Variants in KPNA7 observed in about 807,000 individuals in gnomAD.
KPNA7 encodes karyopherin subunit alpha 7.
In KPNA7, 54 loss-of-function variants were observed where a neutral mutation model predicts 53.7. That is an observed-to-expected ratio of 1.01 (90% CI 0.81 to 1.26). KPNA7 has a LOEUF of 1.26. Ranked by LOEUF, KPNA7 falls within the 50% of genes most tolerant of loss-of-function variation. The pLI is 0.00. For synonymous variants in KPNA7, 276 were observed against 259.3 expected, an observed-to-expected ratio of 1.06 and a Z score of -0.62; for missense variants, 640 against 644.5, an observed-to-expected ratio of 0.99 and a Z score of 0.07.
chr7:99,180,739 C>CT lies in KPNA7; in HGVS notation c.1317+1143_1317+1144insA, dbSNP rs1444596108. Among the ~76,000 whole-genome samples the CT allele has an allele frequency of 1.2e-4, 11 of 88,268 alleles. 2 individuals are homozygous for CT. The highest frequency in any genetic ancestry group is 4.2e-4 in the African/African-American group (10 of 23,726). 57.9% of individuals were successfully genotyped at this position (88,268 alleles called of 152,430 possible). ...TCTCTCCGTCTGTGTCTCTCTCTCT[C>CT]CCCGTGTCTCTCTCTCTCTCCCCGT... On this transcript the variant is annotated intron_variant, in intron 9 of 10. Transcript: ENST00000327442.
At position 99,195,264 on chromosome 7, in the gene KPNA7, TCCA is replaced by T; in HGVS notation, c.356_358del (p.Val119del). Reference sequence around the variant, plus strand: ...GGGGTAAAGTGATGACTTCAGGAACTCCACCATCCTGGGAATGAGGCCCGCTTC... The same window carrying T: ...GGGGTAAAGTGATGACTTCAGGAACTCCATCCTGGGAATGAGGCCCGCTTC... On this transcript the variant is annotated inframe_deletion, in exon 5 of 11. Coordinates refer to ENST00000327442, the MANE Select transcript of KPNA7 (RefSeq NM_001145715.3). 6.4e-7 allele frequency: 1 copy of T among 1,551,482 alleles called. No homozygotes were observed. The highest frequency in any genetic ancestry group is 2.4e-5 in the East Asian group (1 of 40,900).
At chr7:99,212,934 A>G (rs12705054), upstream of KPNA7, among the ~76,000 whole-genome samples, 9,251 of 152,080 alleles carry the variant, frequency 0.061, 314 homozygotes, top group South Asian at 0.15. Flanking sequence ...TATTGATCAC[A>G]GTATCCTTTT....
chr7:99,177,908 T>G lies in KPNA7; in HGVS notation c.1464+12A>C, dbSNP rs1276410267. On this transcript the variant is annotated intron_variant, in intron 10 of 10. Transcript: ENST00000327442. ...ACCCCTGGATACTCCTCCACGCTCC[T>G]AAGTCACTTACCTCACCAAAGTGCT... 1.2e-5 allele frequency: 19 copies of G among 1,551,720 alleles called. No homozygotes were observed. The highest frequency in any genetic ancestry group is 1.6e-5 in the Non-Finnish European group (18 of 1,146,936).
intron 8 of KPNA7, among the ~76,000 whole-genome samples, chr7:99,184,182 TCTCA>T (rs1789448931): frequency 1.5e-5 from 2 of 130,416 alleles, no homozygotes; most frequent in Admixed American, 1.8e-4. Context: ...TGAGACAGGG[TCTCA>T]CTGTGTCACA....
In KPNA7 at chr7:99,188,283, C is replaced by T. The variant is rs1235506753; in HGVS notation, c.900+17G>A. On this transcript the variant is annotated intron_variant, in intron 7 of 10. Transcript: ENST00000327442. ...GACCCGAGGACTCGAATCCACAGGG[C>T]CCAGGATTGCATTTACCAAGACATT... 1.4e-5 allele frequency: 21 copies of T among 1,547,760 alleles called. No homozygotes were observed. The highest frequency in any genetic ancestry group is 2.0e-5 in the Admixed American group (1 of 50,848).
the KPNA7 span, among the ~76,000 whole-genome samples, chr7:99,152,065 T>C: frequency 6.6e-6 from 1 of 152,080 alleles, no homozygotes; most frequent in Non-Finnish European, 1.5e-5. Flanking sequence ...ACGCCTGTAG[T>C]CCCAGCTACT....
the KPNA7 span, among the ~76,000 whole-genome samples, chr7:99,163,014 C>T: frequency 6.6e-6 from 1 of 151,942 alleles, no homozygotes; most frequent in African/African-American, 2.4e-5. Flanking sequence ...AACCCTAGCT[C>T]TACTAAAAAT....
chr7:99,170,885 G>A (rs557099716), downstream of KPNA7, among the ~76,000 whole-genome samples: 40 of 152,212 alleles, frequency 2.6e-4, no homozygotes, highest in East Asian at 3.9e-3. Flanking sequence ...CATTCTGAAG[G>A]TCATAGTTTC....
chr7:99,188,825 C>T (rs949058573), intron 6 of KPNA7, among the ~76,000 whole-genome samples: 1 of 151,934 alleles, frequency 6.6e-6, no homozygotes, highest in Non-Finnish European at 1.5e-5. Flanking sequence ...TTACAGGTGC[C>T]CGCCACCACA....
chr7:99,180,109 G>A (rs576116990), intron 9 of KPNA7, among the ~76,000 whole-genome samples: 1 of 152,256 alleles, frequency 6.6e-6, no homozygotes, highest in South Asian at 2.1e-4. Context: ...CTTACTCATA[G>A]GAAGCCAGCT....
At chr7:99,155,031 T>G in the KPNA7 span, among the ~76,000 whole-genome samples, 1 of 152,116 alleles carries the variant, frequency 6.6e-6, no homozygotes. Flanking sequence ...AAAGTTTATA[T>G]ATATGTGTAT....
At chr7:99,166,247 A>G in the KPNA7 span, among the ~76,000 whole-genome samples, 1 of 152,146 alleles carries the variant, frequency 6.6e-6, no homozygotes, top group Non-Finnish European at 1.5e-5. Context: ...CAGCATGCCC[A>G]GTTTAATCCC....
At chr7:99,157,830 A>G in the KPNA7 span, among the ~76,000 whole-genome samples, 1 of 152,140 alleles carries the variant, frequency 6.6e-6, no homozygotes, top group South Asian at 2.1e-4. Flanking sequence ...GCTGGAGTGC[A>G]GTGGTGTGAT....
intron 8 of KPNA7, among the ~76,000 whole-genome samples, chr7:99,184,331 A>C (rs922363202): frequency 1.3e-5 from 2 of 151,422 alleles, no homozygotes; most frequent in Non-Finnish European, 2.9e-5. Flanking sequence ...ATTTTTGTAT[A>C]CGTATATTTT....
the KPNA7 span, among the ~76,000 whole-genome samples, chr7:99,163,359 GTATATA>G: frequency 3.2e-3 from 210 of 66,406 alleles, 9 homozygotes; most frequent in South Asian, 6.8e-3. Flanking sequence ...ATGAGTGTGT[GTATATA>G]TATATATATA....
At chr7:99,177,664 G>A (rs1798959609) in intron 10 of KPNA7, among the ~76,000 whole-genome samples, 1 of 149,502 alleles carries the variant, frequency 6.7e-6, no homozygotes, top group Non-Finnish European at 1.5e-5. Flanking sequence ...GTAAAGTGAA[G>A]TTTTAAGCCA....
chr7:99,186,107 C>A (rs1046744951), intron 7 of KPNA7, among the ~76,000 whole-genome samples: 2 of 152,114 alleles, frequency 1.3e-5, no homozygotes, highest in African/African-American at 4.8e-5. Context: ...TACTCTTTAT[C>A]GTATAATGAC....
intron 9 of KPNA7, among the ~76,000 whole-genome samples, chr7:99,179,792 C>T (rs915208151): frequency 4.0e-5 from 6 of 151,856 alleles, no homozygotes; most frequent in Non-Finnish European, 5.9e-5. Context: ...TCAGGCTTGT[C>T]TTGAAGTCCT....
At chr7:99,149,767 T>G in the KPNA7 span, among the ~76,000 whole-genome samples, 1 of 152,314 alleles carries the variant, frequency 6.6e-6, no homozygotes, top group African/African-American at 2.4e-5. Context: ...GCTTTTCATC[T>G]GAGCATCAAG....
Sources: allele counts gnomAD v4.1 joint callset (sites outside exome capture counted in the v4.1 genomes callset), GRCh38; gene constraint gnomAD v4.1.1; transcripts MANE v1.5; gene names NCBI Gene and HGNC (gene_info 2026-07-23, HGNC 2026-07-21).